Variants in MALRD1 observed in about 807,000 individuals in gnomAD.
MALRD1 encodes MAM and LDL receptor class A domain containing 1.
In MALRD1, 247 loss-of-function variants were observed where a neutral mutation model predicts 242.1. That is an observed-to-expected ratio of 1.02 (90% CI 0.92 to 1.13). MALRD1 has a LOEUF of 1.13. Ranked by LOEUF, MALRD1 falls within the 50% of genes most tolerant of loss-of-function variation. MALRD1 has a pLI of 0.00. For synonymous variants in MALRD1, 995 were observed against 866.6 expected (o/e 1.15, Z -2.60); for missense variants, 2,989 against 2,533.1 (o/e 1.18, Z -3.86).
intron 38 of MALRD1, among the ~76,000 whole-genome samples, chr10:19,729,958 CG>C (rs1564575407): frequency 1.3e-5 from 2 of 151,544 alleles, no homozygotes; most frequent in Admixed American, 6.6e-5. Flanking sequence ...AGGATGGTCT[CG>C]ATCTCCTGAC....
chr10:19,613,001 T>C (rs1185387959), intron 35 of MALRD1, among the ~76,000 whole-genome samples: 1 of 152,050 alleles, frequency 6.6e-6, no homozygotes, highest in Non-Finnish European at 1.5e-5. Flanking sequence ...TTGTATGTTT[T>C]ACTTCAATAC....
chr10:19,477,783 G>C (rs1377198042), intron 29 of MALRD1, among the ~76,000 whole-genome samples: 1 of 152,182 alleles, frequency 6.6e-6, no homozygotes, highest in African/African-American at 2.4e-5. Flanking sequence ...GGTCGGACCA[G>C]GTGTGACATT....
chr10:19,525,339 A>C (rs887311851), intron 31 of MALRD1, among the ~76,000 whole-genome samples: 28 of 152,336 alleles, frequency 1.8e-4, no homozygotes, highest in African/African-American at 6.5e-4. Context: ...CACATCTAAA[A>C]GACAAATTAG....
At chr10:19,649,545 C>T (rs1422217516) in intron 36 of MALRD1, among the ~76,000 whole-genome samples, 5 of 152,126 alleles carry the variant, frequency 3.3e-5, no homozygotes, top group African/African-American at 4.8e-5. Context: ...TCAGAAGTGT[C>T]TGTTCATGTC....
At position 19,390,472 on chromosome 10, in the gene MALRD1, CAG is replaced by C. The variant is rs1273100753; in HGVS notation, c.4845+864_4845+865del. Among the ~76,000 whole-genome samples, 13 of 152,268 alleles carry C rather than the reference CAG, an allele frequency of 8.5e-5. No homozygotes were observed. In the South Asian group the frequency reaches 2.7e-3, roughly 32 times the overall value. ...GCTTTAATTTAGTATAACAAAGTGA[CAG>C]TGTTCAGGGAACAAAATAACATAGT... is the stretch of plus-strand genomic sequence containing the variant. On this transcript the variant is annotated intron_variant, in intron 28 of 39. Coordinates refer to ENST00000454679, the MANE Select transcript of MALRD1 (RefSeq NM_001142308.3).
At chr10:19,226,915 TATA>T (rs1837825825) in intron 18 of MALRD1, among the ~76,000 whole-genome samples, 1 of 152,012 alleles carries the variant, frequency 6.6e-6, no homozygotes, top group South Asian at 2.1e-4. Context: ...CAATTTAACT[TATA>T]ATAGCCTCAA....
rs377013933 is a variant in MALRD1, at chr10:19,658,786, C to G, written c.6138-33496C>G. 2.2e-4 allele frequency among the ~76,000 whole-genome samples: 34 copies of G among 152,260 alleles called. 1 individual carries two copies. Among genetic ancestry groups the G allele is most frequent in the African/African-American group, 7.5e-4 (31 of 41,562 alleles). ...TATGACCTCCAATTTCATACTATTT[C>G]TTTTCCACTGTACCATTGGCCACAG... On this transcript the variant is annotated intron_variant, in intron 36 of 39. Transcript: ENST00000454679.
intron 36 of MALRD1, among the ~76,000 whole-genome samples, chr10:19,653,524 A>G (rs1247996583): frequency 6.6e-6 from 1 of 152,100 alleles, no homozygotes; most frequent in East Asian, 1.9e-4. Context: ...TGAAACAGAA[A>G]TAGTAGCAGA....
At chr10:19,354,509 C>T (rs1301188120) in intron 26 of MALRD1, among the ~76,000 whole-genome samples, 1 of 152,080 alleles carries the variant, frequency 6.6e-6, no homozygotes, top group African/African-American at 2.4e-5. Flanking sequence ...TAACCAACCT[C>T]TCTTTATCTC....
chr10:19,262,982 A>C (rs1588805065), intron 19 of MALRD1, among the ~76,000 whole-genome samples: 1 of 152,310 alleles, frequency 6.6e-6, no homozygotes, highest in East Asian at 1.9e-4. Context: ...TTAAAGCTGC[A>C]TAATGTTCCA....
intron 39 of MALRD1, among the ~76,000 whole-genome samples, chr10:19,732,666 T>C (rs1249671195): frequency 6.6e-6 from 1 of 152,216 alleles, no homozygotes; most frequent in Admixed American, 6.5e-5. Context: ...TTTTATGTTT[T>C]TTGTATTAGT....
intron 11 of MALRD1, among the ~76,000 whole-genome samples, chr10:19,151,147 C>T (rs927147638): frequency 6.6e-5 from 10 of 152,040 alleles, no homozygotes; most frequent in African/African-American, 2.4e-4. Context: ...AATGATTTCT[C>T]ATATGTAATA....
At chr10:19,606,533 A>G (rs577348716) in intron 34 of MALRD1, among the ~76,000 whole-genome samples, 2 of 152,276 alleles carry the variant, frequency 1.3e-5, no homozygotes, top group South Asian at 4.1e-4. Context: ...GATCAATACC[A>G]TTATTATTTA....
At chr10:19,148,136 G>T (rs1833791613) in intron 11 of MALRD1, among the ~76,000 whole-genome samples, 1 of 152,034 alleles carries the variant, frequency 6.6e-6, no homozygotes, top group Non-Finnish European at 1.5e-5. Flanking sequence ...GAGGGTGAAA[G>T]GCTGGAGTCA....
intron 36 of MALRD1, among the ~76,000 whole-genome samples, chr10:19,676,540 T>C (rs1842146786): frequency 6.6e-6 from 1 of 152,220 alleles, no homozygotes; most frequent in African/African-American, 2.4e-5. Context: ...AATGATTCCT[T>C]TAAGTTTGAA....
intron 19 of MALRD1, among the ~76,000 whole-genome samples, chr10:19,264,545 C>T (rs1405524585): frequency 1.3e-5 from 2 of 151,690 alleles, no homozygotes; most frequent in Non-Finnish European, 2.9e-5. Flanking sequence ...GCTCCGCCTC[C>T]CAGGTTCACG....
intron 36 of MALRD1, among the ~76,000 whole-genome samples, chr10:19,688,684 G>A (rs922706960): frequency 1.3e-5 from 2 of 152,174 alleles, no homozygotes; most frequent in Non-Finnish European, 2.9e-5. Flanking sequence ...GGGATGGCAG[G>A]AGAGAAATTT....
intron 31 of MALRD1, among the ~76,000 whole-genome samples, chr10:19,520,328 A>G (rs1013101146): frequency 6.6e-6 from 1 of 151,872 alleles, no homozygotes; most frequent in Non-Finnish European, 1.5e-5. Flanking sequence ...AAAAGCTGCA[A>G]TTGGTATCAT....
intron 28 of MALRD1, among the ~76,000 whole-genome samples, chr10:19,389,846 A>G (rs1027982843): frequency 2.0e-5 from 3 of 152,228 alleles, no homozygotes; most frequent in Middle Eastern, 3.4e-3. Context: ...TATTTTTTGT[A>G]GAGATTTTAT....
Sources: gnomAD v4.1 joint callset for allele counts (sites outside exome capture counted in the v4.1 genomes callset) on GRCh38, gnomAD v4.1.1 for gene constraint, MANE v1.5 for transcripts, NCBI Gene and HGNC (gene_info 2026-07-23, HGNC 2026-07-21) for gene names.